The following MGAM2 variants were observed in gnomAD, a reference collection of about 807,000 sequenced individuals.
MGAM2 encodes maltase-glucoamylase 2 (putative).
Under a neutral mutation model 96.1 loss-of-function variants are expected in MGAM2, and 98 were observed. The observed-to-expected ratio is 1.02, with a 90% confidence interval of 0.87 to 1.21. The LOEUF is 1.21. Ranked by LOEUF, MGAM2 falls within the 50% of genes most tolerant of loss-of-function variation. MGAM2 has a pLI of 0.00. For synonymous variants in MGAM2, 749 were observed against 414.8 expected (o/e 1.81, Z -9.79); for missense variants, 2,055 against 1,182.4 (o/e 1.74, Z -10.82).
chr7:142,195,819 A>T (rs911278539), intron 37 of MGAM2, among the ~76,000 whole-genome samples: 1 of 152,156 alleles, frequency 6.6e-6, no homozygotes, highest in African/African-American at 2.4e-5. Context: ...GAGACACCAC[A>T]TAGGAAAGTG....
intron 37 of MGAM2, among the ~76,000 whole-genome samples, chr7:142,194,064 G>A (rs1274531161): frequency 5.5e-5 from 8 of 146,786 alleles, no homozygotes; most frequent in Non-Finnish European, 8.9e-5. Flanking sequence ...ATGGAGTCTC[G>A]CTCTGTCACC....
At chr7:142,137,995 A>T (rs762501649) in intron 9 of MGAM2, among the ~76,000 whole-genome samples, 1 of 152,174 alleles carries the variant, frequency 6.6e-6, no homozygotes, top group Admixed American at 6.5e-5. Context: ...TGGGCGAATC[A>T]CTTGAGGTCA....
intron 32 of MGAM2, 85 bp downstream of exon 32, chr7:142,175,865 G>T: frequency 1.5e-6 from 1 of 658,170 alleles, no homozygotes; most frequent in Non-Finnish European, 2.8e-6. Context: ...ACTGGATGAA[G>T]GGTACCAGAA....
At chr7:142,199,826 A>C (rs957458628) in intron 44 of MGAM2, 54 bp from the exon 45 acceptor site, 2 of 638,554 alleles carry the variant, frequency 3.1e-6, no homozygotes, top group Middle Eastern at 2.5e-4. Flanking sequence ...TCTGTTCTTT[A>C]TTCTTACAAC....
chr7:142,164,311 A>G (rs1012134658), intron 23 of MGAM2, among the ~76,000 whole-genome samples: 3 of 152,170 alleles, frequency 2.0e-5, no homozygotes, highest in Non-Finnish European at 2.9e-5. Context: ...TCTGTGTTTC[A>G]GTCTCCTCAT....
In MGAM2 at chr7:142,147,458, GT is replaced by G; in HGVS notation, c.1521del (p.Leu508TrpfsTer38). The G allele has an allele frequency of 1.4e-6, 1 of 701,920 alleles. No individual in the cohort carries two copies. The highest frequency in any genetic ancestry group is 1.5e-5 in the South Asian group (1 of 67,320). The allele number at this position is 701,920 out of a possible 1,614,324, so 43.5% of individuals were successfully genotyped here. Reference sequence around the variant, plus strand: ...CACTAATGAGTATTTCCCTCCAGGAGTTCTGGATCACTTACTTTTTGCAAGA... The same window carrying G: ...CACTAATGAGTATTTCCCTCCAGGAGTCTGGATCACTTACTTTTTGCAAGA... ...NLNFPPFLPR[V>X]LDHLLFARTL... On this transcript the variant is annotated frameshift_variant, in exon 15 of 48. Transcript: ENST00000477922. LOFTEE classifies it high-confidence loss of function.
chr7:142,214,662 A>G (rs985502199), intron 46 of MGAM2, among the ~76,000 whole-genome samples: 7 of 152,216 alleles, frequency 4.6e-5, no homozygotes, highest in Non-Finnish European at 7.3e-5. Flanking sequence ...GACACAAGCA[A>G]ATGGAAAAAC....
At chr7:142,118,322 T>C (rs1295237814) in intron 2 of MGAM2, among the ~76,000 whole-genome samples, 2 of 152,172 alleles carry the variant, frequency 1.3e-5, no homozygotes, top group African/African-American at 2.4e-5. Context: ...GGTTCATCCA[T>C]GTTGTTGCAT....
chr7:142,190,140 G>T (rs1349516075), intron 37 of MGAM2, among the ~76,000 whole-genome samples: 1 of 151,600 alleles, frequency 6.6e-6, no homozygotes, highest in Non-Finnish European at 1.5e-5. Context: ...TGCAAGATTT[G>T]GAGTAGACAT....
At chr7:142,161,050 G>A in intron 21 of MGAM2, 75 bp from the exon 22 acceptor site, 1 of 682,680 alleles carries the variant, frequency 1.5e-6, no homozygotes. Flanking sequence ...TCTGTCCCTG[G>A]GGGATGAAGG....
At chr7:142,217,411 G>T (rs1385840482) in intron 46 of MGAM2, among the ~76,000 whole-genome samples, 1 of 152,114 alleles carries the variant, frequency 6.6e-6, no homozygotes, top group Non-Finnish European at 1.5e-5. Context: ...ATTTTCCAGA[G>T]CCTCAGTTTC....
At position 142,166,330 on chromosome 7, in the gene MGAM2, G is replaced by T. The variant is rs1796025807; in HGVS notation, c.2808+77G>T. The T allele has an allele frequency of 5.0e-6, 3 of 599,058 alleles. No individual in the cohort carries two copies. In the South Asian group the frequency reaches 6.4e-5, roughly 13 times the overall value. The allele number at this position is 599,058 out of a possible 1,614,324, so 37.1% of individuals were successfully genotyped here. Reference sequence around the variant, plus strand: ...TAGAAAACACTTTTCAAATGTCTGTGGCTTGAAGAAAACCAGGACCCTGTG... The same window carrying T: ...TAGAAAACACTTTTCAAATGTCTGTTGCTTGAAGAAAACCAGGACCCTGTG... On this transcript the variant is annotated intron_variant, in intron 25 of 47. Coordinates refer to ENST00000477922, the MANE Select transcript of MGAM2 (RefSeq NM_001293626.2).
chr7:142,163,974 A>G (rs1795960922), intron 23 of MGAM2, among the ~76,000 whole-genome samples: 1 of 152,164 alleles, frequency 6.6e-6, no homozygotes, highest in Admixed American at 6.5e-5. Context: ...CTCTTCGCCA[A>G]GTCCTAGATT....
At chr7:142,130,021 A>G (rs1480221448) in intron 3 of MGAM2, among the ~76,000 whole-genome samples, 1 of 152,092 alleles carries the variant, frequency 6.6e-6, no homozygotes, top group Non-Finnish European at 1.5e-5. Context: ...ATTCTAACAC[A>G]GTGGTCTCAG....
intron 1 of MGAM2, among the ~76,000 whole-genome samples, chr7:142,116,152 T>C (rs1458035337): frequency 6.6e-6 from 1 of 152,106 alleles, no homozygotes; most frequent in East Asian, 1.9e-4. Flanking sequence ...TCCAAATAGG[T>C]AAATAGCCCA....
chr7:142,165,763 T>C (rs969040451), intron 24 of MGAM2, among the ~76,000 whole-genome samples: 1 of 152,224 alleles, frequency 6.6e-6, no homozygotes, highest in Admixed American at 6.5e-5. Flanking sequence ...GCTTGGCTTG[T>C]ATGAATGCTC....
intron 3 of MGAM2, among the ~76,000 whole-genome samples, chr7:142,128,897 A>AGTTG (rs1794802065): frequency 6.9e-6 from 1 of 145,784 alleles, no homozygotes; most frequent in South Asian, 2.2e-4. Flanking sequence ...AGCCTAGTGA[A>AGTTG]GTTGGGAGAA....
chr7:142,218,484 A>C lies in MGAM2; in HGVS notation c.5311A>C (p.Asn1771His), dbSNP rs540976515. ...GACACAAGTCAGTTTCACCTATGAC[A>C]ACCGGCAATTTATGGAGACAAATTT... Reference protein sequence around the residue: ...YVTQVSFTYDNRQFMETNFKS... With the variant: ...YVTQVSFTYDHRQFMETNFKS... The change falls in exon 47 of 48, where the codon AAC (asparagine) becomes CAC (histidine). Residue 1771 changes from asparagine (N) to histidine (H), a missense_variant. By Grantham distance (68) the Asn-to-His change is moderately conservative. Coordinates refer to ENST00000477922, the MANE Select transcript of MGAM2 (RefSeq NM_001293626.2). The C allele has an allele frequency of 1.9e-5, 13 of 701,258 alleles. No individual in the cohort carries two copies. The African/African-American group carries it at 2.3e-4, about 12-fold the overall frequency. 43.4% of individuals were successfully genotyped at this position (701,258 alleles called of 1,614,324 possible).
chr7:142,210,537 G>C (rs1286845575), intron 46 of MGAM2, among the ~76,000 whole-genome samples: 1 of 152,176 alleles, frequency 6.6e-6, no homozygotes, highest in Non-Finnish European at 1.5e-5. Context: ...GCTTGAGTAG[G>C]CGGTTTTCCC....
Sources: gnomAD v4.1 joint callset for allele counts (sites outside exome capture counted in the v4.1 genomes callset) on GRCh38, gnomAD v4.1.1 for gene constraint, MANE v1.5 for transcripts, NCBI Gene and HGNC (gene_info 2026-07-23, HGNC 2026-07-21) for gene names.